TPO: variants seen among roughly 807,000 people sequenced by gnomAD.
The protein encoded by TPO is thyroid microsomal antigen.
A neutral mutation model predicts 96.9 loss-of-function variants in TPO; 78 were observed. That is an observed-to-expected ratio of 0.81 (90% CI 0.67 to 0.97). TPO has a LOEUF of 0.97. Among genes scored for constraint, TPO ranks in the 50% least tolerant of loss-of-function variants. The probability of loss-of-function intolerance (pLI) is 0.00; values close to 1 mark genes in which losing one functional copy is unlikely to be tolerated. For missense variants in TPO, 1,252 were observed against 1,274.8 expected (o/e 0.98, Z 0.27); for synonymous variants, 547 against 538.0 (o/e 1.02, Z -0.23).
intron 5 of TPO, among the ~76,000 whole-genome samples, chr2:1,453,411 CAG>C (rs1038586726): frequency 2.6e-5 from 4 of 152,172 alleles, no homozygotes; most frequent in Admixed American, 6.5e-5. Context: ...CTTCGGAAAA[CAG>C]GGGAGTGGGA....
chr2:1,484,670 A>G lies in TPO; in HGVS notation c.1413A>G (p.Glu471=). 1 of 1,614,044 alleles carries G rather than the reference A, an allele frequency of 6.2e-7. No individual in the cohort carries two copies. The highest frequency in any genetic ancestry group is 1.1e-5 in the South Asian group (1 of 91,076). ...EAFQQYVGPY[E]GYDSTANPTV... is the part of the protein sequence containing the mutation. ...TCCAGCAGTACGTGGGTCCCTATGA[A>G]GGCTATGACTCCACCGCCAACCCCA... Residue 471 remains glutamate, a synonymous_variant, in exon 9 of 17, where the codon GAA becomes GAG. Coordinates refer to ENST00000329066, the MANE Select transcript of TPO (RefSeq NM_001206744.2).
At chr2:1,394,917 C>T (rs924802927) in intron 1 of TPO, among the ~76,000 whole-genome samples, 15 of 152,256 alleles carry the variant, frequency 9.9e-5, no homozygotes, top group Non-Finnish European at 1.6e-4. Flanking sequence ...ATTCCAGGCT[C>T]CTAGTCACCG....
At chr2:1,419,782 T>C (rs1284417524) in intron 2 of TPO, among the ~76,000 whole-genome samples, 1 of 152,220 alleles carries the variant, frequency 6.6e-6, no homozygotes, top group African/African-American at 2.4e-5. Context: ...TCCATTCGAG[T>C]TTCCATCTTG....
rs13391123 is a variant in TPO, at chr2:1,543,499, G to C, written c.*1025G>C. 6.6e-6 allele frequency: 1 copy of C among 152,074 alleles called. No individual in the cohort carries two copies. The highest frequency in any genetic ancestry group is 2.4e-5 in the African/African-American group (1 of 41,414). 9.4% of individuals were successfully genotyped at this position (152,074 alleles called of 1,614,324 possible). A position where few individuals can be genotyped will look rare whatever the true frequency, so the allele number is the denominator to read the frequency against. On this transcript the variant is annotated 3_prime_UTR_variant, in exon 17 of 17. Coordinates refer to ENST00000329066, the MANE Select transcript of TPO (RefSeq NM_001206744.2). ...ATTTTGCTTCAGGATGTTTTATTTC[G>C]CTCTACTGTTATGTAGAGAAAGCAT...
intron 1 of TPO, among the ~76,000 whole-genome samples, chr2:1,379,461 C>T (rs1291378991): frequency 6.6e-6 from 1 of 152,110 alleles, no homozygotes; most frequent in Non-Finnish European, 1.5e-5. Context: ...AGGCTGATCA[C>T]GAGTCACCTT....
intron 14 of TPO, among the ~76,000 whole-genome samples, chr2:1,506,078 T>A (rs1304180556): frequency 1.3e-5 from 2 of 151,808 alleles, no homozygotes; most frequent in African/African-American, 4.8e-5. Context: ...GATGTTCCCC[T>A]TCCTGTGTCC....
intron 1 of TPO, among the ~76,000 whole-genome samples, chr2:1,383,366 T>C (rs1298261745): frequency 6.6e-6 from 1 of 152,208 alleles, no homozygotes; most frequent in African/African-American, 2.4e-5. Context: ...TTGCTATCTC[T>C]CTACATCCTC....
intron 3 of TPO, among the ~76,000 whole-genome samples, chr2:1,423,678 A>G (rs1443435685): frequency 6.6e-6 from 1 of 152,196 alleles, no homozygotes; most frequent in African/African-American, 2.4e-5. Context: ...TGCCCTCCCA[A>G]GCTTATTATT....
At chr2:1,380,345 G>C (rs1375947202) in intron 1 of TPO, among the ~76,000 whole-genome samples, 1 of 141,386 alleles carries the variant, frequency 7.1e-6, no homozygotes. Context: ...AGTGAGCCGA[G>C]ATCACTTTAC....
chr2:1,457,317 G>T, intron 7 of TPO, among the ~76,000 whole-genome samples: 1 of 118,412 alleles, frequency 8.4e-6, no homozygotes, highest in Admixed American at 8.5e-5. Flanking sequence ...ATGATACTGT[G>T]GGTACACATA....
chr2:1,449,931 A>C (rs2148565611), intron 5 of TPO, among the ~76,000 whole-genome samples: 1 of 152,264 alleles, frequency 6.6e-6, no homozygotes, highest in South Asian at 2.1e-4. Context: ...CCTTCAATCA[A>C]GTAGCTCCAG....
At chr2:1,450,854 A>G (rs1667244014) in intron 5 of TPO, among the ~76,000 whole-genome samples, 2 of 152,292 alleles carry the variant, frequency 1.3e-5, no homozygotes. Flanking sequence ...AGACAAACCA[A>G]CCATAACGAA....
At chr2:1,507,342 G>A (rs1192752165) in intron 14 of TPO, among the ~76,000 whole-genome samples, 2 of 152,132 alleles carry the variant, frequency 1.3e-5, no homozygotes, top group African/African-American at 4.8e-5. Context: ...TGTTCTTTTG[G>A]CTTAGGATTG....
Position 1,543,197 on chromosome 2 carries a change from T to C in TPO, c.*723T>C, listed in dbSNP as rs1680924794. ...AACAAGGCAGTCTCGGGGGCACCGT[T>C]AGCCACGCGACCCTGTAAAGCTGCC... On this transcript the variant is annotated 3_prime_UTR_variant, in exon 17 of 17. Transcript: ENST00000329066. 6.6e-6 allele frequency: 1 copy of C among 152,566 alleles called. No homozygotes were observed. Among genetic ancestry groups the C allele is most frequent in the South Asian group, 2.1e-4 (1 of 4,824 alleles). The allele number at this position is 152,566 out of a possible 1,614,324, so 9.5% of individuals were successfully genotyped here.
intron 13 of TPO, among the ~76,000 whole-genome samples, chr2:1,500,281 C>G (rs541644153): frequency 6.6e-6 from 1 of 152,314 alleles, no homozygotes; most frequent in South Asian, 2.1e-4. Flanking sequence ...AGATTGCTAA[C>G]CTTCATCAAT....
At chr2:1,478,750 C>T (rs574267252) in intron 8 of TPO, among the ~76,000 whole-genome samples, 7 of 152,202 alleles carry the variant, frequency 4.6e-5, no homozygotes, top group Middle Eastern at 3.2e-3. Context: ...ACTGTCCTAA[C>T]GCACATCCAC....
rs764881868 is a variant in TPO at position 1,396,633 on chromosome 2, C to T, written n.180+22231C>T. ...GAGCCGCTGTTCTTTCCCTCAGATG[C>T]GTGAGGATGGGCATCGCGTCACGGG... On this transcript the variant is annotated intron_variant and non_coding_transcript_variant, in intron 1 of 5. Coordinates refer to the TPO transcript ENST00000497517. 4.6e-5 allele frequency among the ~76,000 whole-genome samples: 7 copies of T among 152,270 alleles called. No homozygotes were observed. In the South Asian group the frequency reaches 6.2e-4, roughly 14 times the overall value.
chr2:1,392,915 GATGAAA>G (rs1662025696), intron 1 of TPO, among the ~76,000 whole-genome samples: 1 of 151,976 alleles, frequency 6.6e-6, no homozygotes, highest in Admixed American at 6.6e-5. Context: ...AGATACTTAG[GATGAAA>G]ATGAAATATG....
intron 15 of TPO, among the ~76,000 whole-genome samples, chr2:1,528,420 C>A (rs1226053093): frequency 7.5e-6 from 1 of 132,868 alleles, no homozygotes; most frequent in Non-Finnish European, 1.6e-5. Context: ...ACCCGGTGTG[C>A]AACCTGCTCA....
Sources: gnomAD v4.1 joint callset for allele counts (sites outside exome capture counted in the v4.1 genomes callset) on GRCh38, gnomAD v4.1.1 for gene constraint, MANE v1.5 for transcripts, NCBI Gene and HGNC (gene_info 2026-07-23, HGNC 2026-07-21) for gene names.